The following CAND1 variants were observed in gnomAD, a reference collection of about 807,000 sequenced individuals.
CAND1 encodes the protein cullin-associated NEDD8-dissociated protein 1.
Under a neutral mutation model 108.5 loss-of-function variants are expected in CAND1, and 7 were observed. That is an observed-to-expected ratio of 0.06 (90% CI 0.04 to 0.12). The LOEUF (loss-of-function observed/expected upper bound fraction) is 0.12, where lower values mean the gene tolerates loss of function less well. Among genes scored for constraint, CAND1 ranks in the 10% least tolerant of loss-of-function variants. The probability of loss-of-function intolerance (pLI) is 1.00; values close to 1 mark genes in which losing one functional copy is unlikely to be tolerated. For missense variants in CAND1, 941 were observed against 1,448.7 expected (o/e 0.65, Z 5.69); for synonymous variants, 534 against 512.0 (o/e 1.04, Z -0.58).
At chr12:67,301,881 A>T (rs1300996881) in intron 7 of CAND1, among the ~76,000 whole-genome samples, 1 of 152,118 alleles carries the variant, frequency 6.6e-6, no homozygotes, top group Non-Finnish European at 1.5e-5. Flanking sequence ...TATTACCACA[A>T]ATCCATTTCA....
chr12:67,316,402 T>C lies in CAND1; in HGVS notation c.*3572T>C, dbSNP rs2045008073. On this transcript the variant is annotated 3_prime_UTR_variant, in exon 15 of 15. Transcript: ENST00000545606. The stretch of plus-strand genomic sequence containing the variant: ...CATATGTTTTCCTTTTCCAATACAG[T>C]AAATTGCTTGTTTTCCTATGAATAT... The C allele has an allele frequency of 6.6e-6, 1 of 152,244 alleles. No individual in the cohort carries two copies. Among genetic ancestry groups the C allele is most frequent in the Admixed American group, 6.5e-5 (1 of 15,288 alleles). 9.4% of individuals were successfully genotyped at this position (152,244 alleles called of 1,614,324 possible).
chr12:67,307,162 T>C (rs1253662853), intron 10 of CAND1, among the ~76,000 whole-genome samples: 1 of 152,098 alleles, frequency 6.6e-6, no homozygotes, highest in Non-Finnish European at 1.5e-5. Context: ...CTGCTTCAAG[T>C]CCCTCCTTCC....
intron 1 of CAND1, among the ~76,000 whole-genome samples, chr12:67,272,778 C>T (rs953556741): frequency 6.6e-6 from 1 of 152,064 alleles, no homozygotes; most frequent in African/African-American, 2.4e-5. Flanking sequence ...CTCACTTCAA[C>T]CTCCGCCTCC....
At position 67,301,523 on chromosome 12, in the gene CAND1, A is replaced by AT. The variant is rs139727942; in HGVS notation, c.1001-796dup. Among the ~76,000 whole-genome samples, 35 of 152,246 alleles carry AT rather than the reference A, an allele frequency of 2.3e-4. 1 individual carries two copies. Among genetic ancestry groups the AT allele is most frequent in the African/African-American group, 3.1e-4 (13 of 41,564 alleles). The stretch of plus-strand genomic sequence containing the variant: ...AAACCTGATGGTGTTAGAAAGAAAG[A>AT]TTTTCTGGAGATTTCACACACATGT... On this transcript the variant is annotated intron_variant, in intron 7 of 14. Transcript: ENST00000545606.
chr12:67,299,015 A>T lies in CAND1; in HGVS notation c.920A>T (p.Tyr307Phe), dbSNP rs201748001. 6.7e-7 allele frequency: 1 copy of T among 1,503,236 alleles called. No homozygotes were observed. The highest frequency in any genetic ancestry group is 2.3e-5 in the East Asian group (1 of 44,094). 93.1% of individuals were successfully genotyped at this position (1,503,236 alleles called of 1,614,324 possible). ...AATATTTGTCTTAAATATCTTACCTATGATCCAAATTATAATTACGATGAT... is the reference window on the plus strand; with the variant it reads ...AATATTTGTCTTAAATATCTTACCTTTGATCCAAATTATAATTACGATGAT... Reference protein sequence around the residue: ...IINICLKYLTYDPNYNYDDED... With the variant: ...IINICLKYLTFDPNYNYDDED... The change falls in exon 7 of 15, where the codon TAT (tyrosine) becomes TTT (phenylalanine). Residue 307 changes from tyrosine to phenylalanine, a missense_variant. Tyr to Phe is a conservative substitution (Grantham distance 22). Around this residue, in one of 9 missense-constraint regions of CAND1, gnomAD observed 697 missense variants for 942.0 expected, o/e 0.74. Coordinates refer to ENST00000545606, the MANE Select transcript of CAND1 (RefSeq NM_018448.5).
chr12:67,288,054 A>G (rs1367000601), intron 2 of CAND1, among the ~76,000 whole-genome samples: 3 of 151,278 alleles, frequency 2.0e-5, no homozygotes, highest in African/African-American at 4.9e-5. Flanking sequence ...ACTTGAAAGT[A>G]TATTCTGCAG....
At chr12:67,297,015 C>T (rs1195557452) in intron 4 of CAND1, among the ~76,000 whole-genome samples, 1 of 152,076 alleles carries the variant, frequency 6.6e-6, no homozygotes, top group African/African-American at 2.4e-5. Flanking sequence ...CCAGGCTGGT[C>T]TCGAACTCCT....
chr12:67,304,708 C>T lies in CAND1; in HGVS notation c.1397C>T (p.Pro466Leu), dbSNP rs965599703. 7.4e-6 allele frequency: 12 copies of T among 1,613,736 alleles called. No homozygotes were observed. The highest frequency in any genetic ancestry group is 3.3e-5 in the Admixed American group (2 of 59,966). ...TTAACTGAGCTGGTAAATGTATTACCTGGGGCCCTAACTCAACACATTCCT... is the reference window on the plus strand; with the variant it reads ...TTAACTGAGCTGGTAAATGTATTACTTGGGGCCCTAACTCAACACATTCCT... ...NMLTELVNVLPGALTQHIPVL... is the reference protein window; with the variant it reads ...NMLTELVNVLLGALTQHIPVL... Residue 466 changes from proline to leucine, a missense_variant, in exon 9 of 15, where the codon CCT becomes CTT. By Grantham distance (98) the Pro-to-Leu change is moderately conservative (BLOSUM62 -3). Coordinates refer to ENST00000545606, the MANE Select transcript of CAND1 (RefSeq NM_018448.5).
intron 3 of CAND1, 58 bp from the exon 4 acceptor site, chr12:67,294,975 A>G (rs1407870301): frequency 6.4e-7 from 1 of 1,570,152 alleles, no homozygotes; most frequent in East Asian, 2.3e-5. Context: ...TACCATGAAT[A>G]TAAGAGGGAA....
chr12:67,273,738 A>G (rs928940829), intron 1 of CAND1, among the ~76,000 whole-genome samples: 2 of 152,058 alleles, frequency 1.3e-5, no homozygotes, highest in African/African-American at 4.8e-5. Flanking sequence ...TGGCCTCCCA[A>G]AGTGCTGGGA....
rs1049158079 is a variant in CAND1, at chr12:67,269,646, C to T, written c.-72C>T. ...CGAGCGAGAGGAGGAGCTCCAGTGG[C>T]GGCGGCGGCGGCGGCAGCGGCAGCG... On this transcript the variant is annotated 5_prime_UTR_variant, in exon 1 of 15. Transcript: ENST00000545606. The T allele has an allele frequency of 1.4e-5, 17 of 1,207,726 alleles. No homozygotes were observed. Among genetic ancestry groups the T allele is most frequent in the Non-Finnish European group, 1.9e-5 (16 of 846,326 alleles). The allele number at this position is 1,207,726 out of a possible 1,614,324, so 74.8% of individuals were successfully genotyped here.
At chr12:67,299,673 G>A (rs1323421832) in intron 7 of CAND1, among the ~76,000 whole-genome samples, 3 of 151,990 alleles carry the variant, frequency 2.0e-5, no homozygotes, top group African/African-American at 7.2e-5. Context: ...CATTTCTGAG[G>A]CTCCTAAGAT....
chr12:67,291,099 G>C (rs1252447132), intron 2 of CAND1, among the ~76,000 whole-genome samples: 1 of 152,130 alleles, frequency 6.6e-6, no homozygotes, highest in African/African-American at 2.4e-5. Flanking sequence ...GTCTTAATGA[G>C]ATTCATGTAC....
chr12:67,311,963 T>C (rs961432069), intron 14 of CAND1, among the ~76,000 whole-genome samples, 163 bp downstream of exon 14: 2 of 152,166 alleles, frequency 1.3e-5, no homozygotes, highest in Non-Finnish European at 1.5e-5. Context: ...AACTTAGCCC[T>C]GTTAACGGCT....
chr12:67,307,643 AATTGC>A (rs2044902010), intron 11 of CAND1, 151 bp downstream of exon 11: 1 of 605,690 alleles, frequency 1.7e-6, no homozygotes, highest in Non-Finnish European at 2.9e-6. Flanking sequence ...ACTTTTAACA[AATTGC>A]ATTTGCCTGT....
intron 13 of CAND1, 64 bp downstream of exon 13, chr12:67,310,380 C>A: frequency 8.4e-7 from 1 of 1,186,486 alleles, no homozygotes; most frequent in Non-Finnish European, 1.2e-6. Flanking sequence ...CAACTTTCAC[C>A]CTTGTAATTT....
In CAND1 at chr12:67,315,951, G is replaced by A. The variant is rs1036841737; in HGVS notation, c.*3121G>A. 2 of 152,154 alleles carry A rather than the reference G, an allele frequency of 1.3e-5. No individual in the cohort carries two copies. The highest frequency in any genetic ancestry group is 2.9e-5 in the Non-Finnish European group (2 of 68,020). The allele number at this position is 152,154 out of a possible 1,614,324, so 9.4% of individuals were successfully genotyped here. A position where few individuals can be genotyped will look rare whatever the true frequency, so the allele number is the denominator to read the frequency against. On this transcript the variant is annotated 3_prime_UTR_variant, in exon 15 of 15. Coordinates refer to ENST00000545606, the MANE Select transcript of CAND1 (RefSeq NM_018448.5). ...AAGACAAAGTATATAGTAACACTTT[G>A]TAATGAAGTAACATTTTCTGCCCAC... is the stretch of plus-strand genomic sequence containing the variant.
intron 14 of CAND1, 124 bp downstream of exon 14, chr12:67,311,924 T>C: frequency 1.7e-6 from 1 of 605,974 alleles, no homozygotes; most frequent in Non-Finnish European, 3.0e-6. Context: ...GTTTAAAAAG[T>C]TAACCTATCG....
intron 1 of CAND1, among the ~76,000 whole-genome samples, chr12:67,278,875 T>G (rs2044594478): frequency 6.6e-6 from 1 of 152,214 alleles, no homozygotes; most frequent in Non-Finnish European, 1.5e-5. Context: ...AGTTCTTAGT[T>G]CTACAGGTGC....
Sources: gnomAD v4.1 joint callset for allele counts (sites outside exome capture counted in the v4.1 genomes callset) on GRCh38, gnomAD v4.1.1 for gene constraint, gnomAD v4.1.1 regional missense constraint, MANE v1.5 for transcripts, NCBI Gene and HGNC (gene_info 2026-07-23, HGNC 2026-07-21) for gene names.